Variants in DISC1 observed in about 807,000 individuals in gnomAD.
DISC1 encodes DISC1 scaffold protein.
In DISC1, 57 loss-of-function variants were observed where a neutral mutation model predicts 84.5. The observed-to-expected ratio is 0.67, with a 90% CI of 0.55 to 0.84. DISC1 has a LOEUF of 0.84. Ranked by LOEUF, DISC1 falls within the 40% of genes least tolerant of loss-of-function variation. DISC1 has a pLI of 0.00. For missense variants in DISC1, 1,000 were observed against 1,057.8 expected (o/e 0.95, Z 0.76); for synonymous variants, 411 against 415.2 (o/e 0.99, Z 0.12).
intron 1 of DISC1, among the ~76,000 whole-genome samples, chr1:231,669,475 C>G (rs1326738703): frequency 6.6e-6 from 1 of 151,958 alleles, no homozygotes; most frequent in Non-Finnish European, 1.5e-5. Flanking sequence ...AAACTGCATC[C>G]AACGAAGGTC....
intron 3 of DISC1, chr1:231,722,509 A>C (rs565310215): frequency 4.3e-6 from 7 of 1,614,010 alleles, no homozygotes; most frequent in African/African-American, 1.3e-5. Flanking sequence ...TGTCCATTCC[A>C]CTCAGAGGTA....
At chr1:231,885,690 C>A (rs975135762) in intron 9 of DISC1, among the ~76,000 whole-genome samples, 1 of 152,080 alleles carries the variant, frequency 6.6e-6, no homozygotes, top group African/African-American at 2.4e-5. Context: ...GTGTGTCAGT[C>A]CTGTGGATAT....
intron 1 of DISC1, among the ~76,000 whole-genome samples, chr1:231,678,999 C>T (rs2063445304): frequency 6.6e-6 from 1 of 152,196 alleles, no homozygotes; most frequent in Non-Finnish European, 1.5e-5. Context: ...TCTTAATAGT[C>T]TTGTCATTCC....
rs1263983817 is a variant in DISC1 at position 232,005,069 on chromosome 1, C to T, written c.2043-3716C>T. 1.4e-3 allele frequency among the ~76,000 whole-genome samples: 179 copies of T among 127,112 alleles called. 4 individuals are homozygous for T. Among genetic ancestry groups the T allele is most frequent in the African/African-American group, 5.1e-3 (171 of 33,806 alleles). 83.4% of individuals were successfully genotyped at this position (127,112 alleles called of 152,430 possible). On this transcript the variant is annotated intron_variant, in intron 10 of 12. Coordinates refer to ENST00000439617, the MANE Select transcript of DISC1 (RefSeq NM_018662.3). ...CCTTCCTTCCTTCCTTCCCTCTCTC[C>T]CTCCCTCCCTCCCTCCTCCCTTCCT...
At chr1:231,902,844 C>T (rs1307833087) in intron 9 of DISC1, among the ~76,000 whole-genome samples, 2 of 152,146 alleles carry the variant, frequency 1.3e-5, no homozygotes, top group East Asian at 3.9e-4. Flanking sequence ...TGAACACCAA[C>T]ATGATGCTCA....
intron 6 of DISC1, among the ~76,000 whole-genome samples, chr1:231,778,646 G>A (rs1462742393): frequency 6.6e-6 from 1 of 152,140 alleles, no homozygotes; most frequent in Non-Finnish European, 1.5e-5. Context: ...AGGCAACGTG[G>A]AAAAGTTTAC....
intron 3 of DISC1, among the ~76,000 whole-genome samples, chr1:231,718,062 G>A (rs116118280): frequency 8.1e-4 from 123 of 152,088 alleles, no homozygotes; most frequent in African/African-American, 2.8e-3. Context: ...CAGCTCTCCC[G>A]GGACATGAGC....
At chr1:231,963,488 C>G (rs1215931153) in intron 10 of DISC1, among the ~76,000 whole-genome samples, 1 of 152,154 alleles carries the variant, frequency 6.6e-6, no homozygotes, top group Admixed American at 6.5e-5. Flanking sequence ...TTTGCTCCCC[C>G]ACCCCTCTGC....
At chr1:231,906,142 C>G (rs2088617715) in intron 9 of DISC1, among the ~76,000 whole-genome samples, 2 of 151,684 alleles carry the variant, frequency 1.3e-5, no homozygotes, top group South Asian at 4.2e-4. Context: ...CCTGCCTCAG[C>G]CTCCCAAGCA....
chr1:231,715,539 G>A (rs540673451), intron 3 of DISC1, among the ~76,000 whole-genome samples: 2 of 152,060 alleles, frequency 1.3e-5, no homozygotes, highest in African/African-American at 2.4e-5. Context: ...CTGTTTTTCC[G>A]GGAGCTTTAT....
intron 4 of DISC1, among the ~76,000 whole-genome samples, chr1:231,752,933 T>C (rs565867010): frequency 6.6e-6 from 1 of 152,368 alleles, no homozygotes; most frequent in South Asian, 2.1e-4. Context: ...TTTGACTCCA[T>C]GTCTCACATC....
At chr1:231,831,141 C>T (rs997284758) in intron 9 of DISC1, among the ~76,000 whole-genome samples, 5 of 152,124 alleles carry the variant, frequency 3.3e-5, no homozygotes, top group Non-Finnish European at 5.9e-5. Context: ...TGACTTGGGG[C>T]ATGTGAGTAA....
rs140690459 is a variant in DISC1, at chr1:231,800,837, C to T, written c.1792+627C>T. Among the ~76,000 whole-genome samples, 1,430 of 151,546 alleles carry T rather than the reference C, an allele frequency of 9.4e-3. 21 individuals carry two copies. Among genetic ancestry groups the T allele is most frequent in the African/African-American group, 0.031 (1,299 of 41,326 alleles). On this transcript the variant is annotated intron_variant, in intron 8 of 12. Coordinates refer to ENST00000439617, the MANE Select transcript of DISC1 (RefSeq NM_018662.3). The stretch of plus-strand genomic sequence containing the variant: ...TGGACTGATGGGGAGGTTGAGGCTG[C>T]GGGATGTGTCCTTTGGTTAAGGTCA...
intron 3 of DISC1, among the ~76,000 whole-genome samples, chr1:231,726,545 C>T (rs142639155): frequency 2.1e-4 from 32 of 152,138 alleles, no homozygotes; most frequent in African/African-American, 4.1e-4. Context: ...GTGAAAGCAG[C>T]GGGGCAACAG....
At chr1:231,697,986 T>C (rs1344168805) in intron 2 of DISC1, among the ~76,000 whole-genome samples, 2 of 152,180 alleles carry the variant, frequency 1.3e-5, no homozygotes, top group Admixed American at 1.3e-4. Flanking sequence ...CTAGTGCTCC[T>C]AAGCATGAGA....
At chr1:231,673,544 A>T (rs1227495640) in intron 1 of DISC1, among the ~76,000 whole-genome samples, 1 of 151,340 alleles carries the variant, frequency 6.6e-6, no homozygotes, top group Non-Finnish European at 1.5e-5. Context: ...TTCTCCAGAG[A>T]TTTCTTTCCT....
rs371753743 is a variant in DISC1, at chr1:232,038,297, T to G, written c.*1466T>G. ...CATTTCAGGCTCCTGCTGGGCTGCT[T>G]CTTTGGCCCAGCTGGGACTCCTATT... On this transcript the variant is annotated 3_prime_UTR_variant, in exon 13 of 13. Coordinates refer to ENST00000439617, the MANE Select transcript of DISC1 (RefSeq NM_018662.3). 2.2e-4 allele frequency: 33 copies of G among 152,260 alleles called. No homozygotes were observed. The highest frequency in any genetic ancestry group is 7.7e-4 in the African/African-American group (32 of 41,544). 9.4% of individuals were successfully genotyped at this position (152,260 alleles called of 1,614,324 possible).
At chr1:231,875,678 A>G (rs2085836034) in intron 9 of DISC1, among the ~76,000 whole-genome samples, 1 of 152,172 alleles carries the variant, frequency 6.6e-6, no homozygotes, top group Non-Finnish European at 1.5e-5. Flanking sequence ...CTCCCTCTGA[A>G]TTACCAAGTA....
At position 231,628,956 on chromosome 1, in the gene DISC1, C is replaced by G. The variant is rs542001180; in HGVS notation, c.67+2022C>G. ...CTTGCTATGTTGCTCAGGCTGGTCT[C>G]GACCTCCTGGCTTCAATCATTCCTC... On this transcript the variant is annotated intron_variant, in intron 1 of 12. Coordinates refer to ENST00000439617, the MANE Select transcript of DISC1 (RefSeq NM_018662.3). Among the ~76,000 whole-genome samples the G allele has an allele frequency of 2.0e-5, 3 of 151,964 alleles. No homozygotes were observed. The East Asian group carries it at 5.8e-4, about 30-fold the overall frequency.
Sources: gnomAD v4.1 joint callset for allele counts (sites outside exome capture counted in the v4.1 genomes callset) on GRCh38, gnomAD v4.1.1 for gene constraint, MANE v1.5 for transcripts, NCBI Gene and HGNC (gene_info 2026-07-23, HGNC 2026-07-21) for gene names.